LNPEP: variants seen among roughly 807,000 people sequenced by gnomAD.
LNPEP encodes leucyl-cystinyl aminopeptidase.
LNPEP carries 64 observed loss-of-function variants against 120.6 expected under a neutral mutation model. The ratio of observed to expected loss-of-function variants is 0.53; its 90% CI spans 0.43 to 0.65. LNPEP has a LOEUF of 0.65. Among genes scored for constraint, LNPEP ranks in the 30% least tolerant of loss-of-function variants. The probability of loss-of-function intolerance (pLI) is 0.00; values close to 1 mark genes in which losing one functional copy is unlikely to be tolerated. For missense variants in LNPEP, 1,057 were observed against 1,200.0 expected (o/e 0.88, Z 1.76); for synonymous variants, 435 against 425.4 (o/e 1.02, Z -0.28).
At chr5:96,942,529 C>G (rs1789079490) in intron 1 of LNPEP, among the ~76,000 whole-genome samples, 1 of 151,774 alleles carries the variant, frequency 6.6e-6, no homozygotes, top group African/African-American at 2.4e-5. Context: ...TGGCACGTGC[C>G]TGAAATCCCA....
intron 1 of LNPEP, among the ~76,000 whole-genome samples, chr5:96,978,708 G>A (rs1790056236): frequency 6.6e-6 from 1 of 152,132 alleles, no homozygotes; most frequent in African/African-American, 2.4e-5. Flanking sequence ...CCTAGAAGGG[G>A]AACCGTGGAC....
Position 96,954,770 on chromosome 5 carries a change from A to ATTTTTTT in LNPEP, c.19+18597_19+18598insTTTTTTT, listed in dbSNP as rs1789417391. Among the ~76,000 whole-genome samples, 18 of 29,490 alleles carry ATTTTTTT rather than the reference A, an allele frequency of 6.1e-4. 3 individuals are homozygous for ATTTTTTT. The highest frequency in any genetic ancestry group is 1.2e-3 in the Non-Finnish European group (17 of 14,346). The allele number at this position is 29,490 out of a possible 152,430, so 19.3% of individuals were successfully genotyped here. ...TACACATATATATATATATATATAT[A>ATTTTTTT]TATTTTTTTTTTTTTTTTTTTTTTT... On this transcript the variant is annotated intron_variant, in intron 1 of 17. Coordinates refer to ENST00000231368, the MANE Select transcript of LNPEP (RefSeq NM_005575.3).
intron 1 of LNPEP, among the ~76,000 whole-genome samples, chr5:96,960,969 C>T (rs1789592914): frequency 6.6e-6 from 1 of 151,828 alleles, no homozygotes; most frequent in South Asian, 2.1e-4. Flanking sequence ...CTTATCTGTT[C>T]TCTAATGATT....
At chr5:96,976,133 A>G (rs937278264) in intron 1 of LNPEP, among the ~76,000 whole-genome samples, 1 of 152,148 alleles carries the variant, frequency 6.6e-6, no homozygotes, top group Non-Finnish European at 1.5e-5. Flanking sequence ...TAAGAATCAA[A>G]TCAACATTTT....
intron 2 of LNPEP, among the ~76,000 whole-genome samples, chr5:96,982,413 T>C (rs1790148134): frequency 6.6e-6 from 1 of 152,202 alleles, no homozygotes; most frequent in Non-Finnish European, 1.5e-5. Context: ...TCAGCATAGA[T>C]AGAACAGGTT....
chr5:97,031,665 C>G lies in LNPEP; in HGVS notation c.*3132C>G, dbSNP rs1351827744. 6.6e-6 allele frequency: 1 copy of G among 152,206 alleles called. No individual in the cohort carries two copies. Among genetic ancestry groups the G allele is most frequent in the Non-Finnish European group, 1.5e-5 (1 of 68,068 alleles). The allele number at this position is 152,206 out of a possible 1,614,324, so 9.4% of individuals were successfully genotyped here. A position where few individuals can be genotyped will look rare whatever the true frequency, so the allele number is the denominator to read the frequency against. ...CAGCATTTTGGGATGCCAAGGTGGG[C>G]AGACCATTTGAGGCCAGGAGTTCTA... On this transcript the variant is annotated 3_prime_UTR_variant, in exon 18 of 18. Coordinates refer to ENST00000231368, the MANE Select transcript of LNPEP (RefSeq NM_005575.3).
intron 11 of LNPEP, among the ~76,000 whole-genome samples, chr5:97,007,987 C>T (rs1359796291): frequency 3.3e-5 from 5 of 152,120 alleles, no homozygotes; most frequent in African/African-American, 1.2e-4. Flanking sequence ...CAGCAACAAT[C>T]TAATTATTTA....
intron 1 of LNPEP, among the ~76,000 whole-genome samples, chr5:96,978,258 A>AT (rs1790047128): frequency 6.6e-6 from 1 of 151,906 alleles, no homozygotes; most frequent in South Asian, 2.1e-4. Flanking sequence ...TTTCTCAGTG[A>AT]TTTTGGCAAA....
chr5:96,976,065 G>C (rs970780210), intron 1 of LNPEP, among the ~76,000 whole-genome samples: 10 of 152,130 alleles, frequency 6.6e-5, no homozygotes, highest in African/African-American at 2.4e-4. Context: ...ATCCCATCGA[G>C]CAAGGGGTAA....
Position 97,034,948 on chromosome 5 carries a change from A to T in LNPEP, c.*6415A>T, listed in dbSNP as rs908777962. The T allele has an allele frequency of 6.6e-6, 1 of 152,048 alleles. No individual in the cohort carries two copies. The highest frequency in any genetic ancestry group is 1.5e-5 in the Non-Finnish European group (1 of 67,982). The allele number at this position is 152,048 out of a possible 1,614,324, so 9.4% of individuals were successfully genotyped here. A position where few individuals can be genotyped will look rare whatever the true frequency, so the allele number is the denominator to read the frequency against. ...TATGTGTGTGTATATACACACAAGA[A>T]CACACATATTTATATACTATACACA... On this transcript the variant is annotated 3_prime_UTR_variant, in exon 18 of 18. Coordinates refer to ENST00000231368, the MANE Select transcript of LNPEP (RefSeq NM_005575.3).
At position 97,002,166 on chromosome 5, in the gene LNPEP, C is replaced by T. The variant is rs1790671598; in HGVS notation, c.1654-1249C>T. Among the ~76,000 whole-genome samples, 4 of 151,886 alleles carry T rather than the reference C, an allele frequency of 2.6e-5. No homozygotes were observed. The South Asian group carries it at 8.3e-4, about 32-fold the overall frequency. ...AAATAAATAAATAAATAAATAAATA[C>T]TTACAGTAGAGTGATGATTAGAAGA... On this transcript the variant is annotated intron_variant, in intron 8 of 17. Coordinates refer to ENST00000231368, the MANE Select transcript of LNPEP (RefSeq NM_005575.3).
At chr5:96,951,148 A>G (rs574190677) in intron 1 of LNPEP, among the ~76,000 whole-genome samples, 3 of 152,280 alleles carry the variant, frequency 2.0e-5, no homozygotes, top group Admixed American at 2.0e-4. Context: ...CAAGGACACC[A>G]ATCCTATTGG....
rs1194969463 is a variant in LNPEP, at chr5:97,035,046, A to G, written c.*6513A>G. The G allele has an allele frequency of 6.6e-6, 1 of 152,076 alleles. No homozygotes were observed. Among genetic ancestry groups the G allele is most frequent in the Non-Finnish European group, 1.5e-5 (1 of 67,998 alleles). The allele number at this position is 152,076 out of a possible 1,614,324, so 9.4% of individuals were successfully genotyped here. A position where few individuals can be genotyped will look rare whatever the true frequency, so the allele number is the denominator to read the frequency against. ...ATGTGGTACCCAGTCCTCTGCTGGG[A>G]CATGGATGTACATAATGAAACATGG... is the stretch of plus-strand genomic sequence containing the variant. On this transcript the variant is annotated 3_prime_UTR_variant, in exon 18 of 18. Transcript: ENST00000231368.
At chr5:97,019,106 C>CAACA (rs1791128740) in intron 13 of LNPEP, among the ~76,000 whole-genome samples, 2 of 152,170 alleles carry the variant, frequency 1.3e-5, no homozygotes, top group Non-Finnish European at 2.9e-5. Flanking sequence ...ATGTAATATA[C>CAACA]AACATAAGTG....
intron 4 of LNPEP, 129 bp downstream of exon 4, chr5:96,986,799 C>T: frequency 1.2e-6 from 1 of 800,008 alleles, no homozygotes; most frequent in Admixed American, 2.6e-5. Flanking sequence ...ACATTTTATA[C>T]CAGAAATGCT....
At chr5:97,025,387 G>T (rs1438874166) in intron 15 of LNPEP, among the ~76,000 whole-genome samples, 1 of 152,184 alleles carries the variant, frequency 6.6e-6, no homozygotes. Context: ...TACCTGTCCA[G>T]ACCCACTTAC....
In LNPEP at chr5:97,006,183, A is replaced by G. The variant is rs773604541; in HGVS notation, c.1896A>G (p.Gln632=). 1 of 1,606,168 alleles carries G rather than the reference A, an allele frequency of 6.2e-7. No individual in the cohort carries two copies. The highest frequency in any genetic ancestry group is 1.1e-5 in the South Asian group (1 of 89,640). ...QKKGKELFIQ[Q]ERFFLNMKPE... is the part of the protein sequence containing the mutation. ...AAGGAAAGGAACTTTTTATACAACA[A>G]GAGAGATTCTTTTTAAATATGAAGC... is the stretch of plus-strand genomic sequence containing the variant. Residue 632 remains glutamine (Q), a synonymous_variant, in exon 10 of 18, where the codon CAA becomes CAG. Coordinates refer to ENST00000231368, the MANE Select transcript of LNPEP (RefSeq NM_005575.3).
chr5:97,006,604 G>T, intron 11 of LNPEP, 89 bp downstream of exon 11: 1 of 740,478 alleles, frequency 1.4e-6, no homozygotes, highest in Non-Finnish European at 2.4e-6. Context: ...TTTCCAGTGT[G>T]CACACTCTCT....
intron 1 of LNPEP, among the ~76,000 whole-genome samples, chr5:96,968,563 T>G (rs908578308): frequency 3.9e-5 from 6 of 152,160 alleles, no homozygotes; most frequent in Admixed American, 6.6e-5. Context: ...AGAGAACATT[T>G]GTACATCTTA....
Sources: gnomAD v4.1 joint callset for allele counts (sites outside exome capture counted in the v4.1 genomes callset) on GRCh38, gnomAD v4.1.1 for gene constraint, MANE v1.5 for transcripts, NCBI Gene and HGNC (gene_info 2026-07-23, HGNC 2026-07-21) for gene names.